The following TOP2A variants were observed in gnomAD, a reference collection of about 807,000 sequenced individuals.
TOP2A encodes the protein DNA topoisomerase II alpha.
TOP2A carries 68 observed loss-of-function variants against 187.2 expected under a neutral mutation model. That is an observed-to-expected ratio of 0.36 (90% CI 0.30 to 0.44). The LOEUF is 0.44. Ranked by LOEUF, TOP2A falls within the 20% of genes least tolerant of loss-of-function variation. The pLI, the probability that TOP2A is intolerant of heterozygous loss-of-function variation, is 1.00. For synonymous variants in TOP2A, 542 were observed against 593.2 expected (o/e 0.91, Z 1.25); for missense variants, 1,196 against 1,808.7 (o/e 0.66, Z 6.14).
rs1267482513 is a variant in TOP2A at position 40,404,291 on chromosome 17, A to G, written c.2162-18T>C. ...TTTCAAACCTTTAAAATGAAATAAGAGCAAACGTAAGTATCCTCAATTTAA... is the reference window on the plus strand; with the variant it reads ...TTTCAAACCTTTAAAATGAAATAAGGGCAAACGTAAGTATCCTCAATTTAA... On this transcript the variant is annotated intron_variant, in intron 18 of 34. Transcript: ENST00000423485. 8.7e-6 allele frequency: 14 copies of G among 1,611,828 alleles called. No individual in the cohort carries two copies. The highest frequency in any genetic ancestry group is 1.2e-5 in the Non-Finnish European group (14 of 1,179,138).
chr17:40,396,407 T>A lies in TOP2A; in HGVS notation c.3596A>T (p.Lys1199Met). ...CATTTGTGTTTTTTTCCCCTTGGCCTTCCCCCCTTTCCCAGGAAGTCCGAC... is the reference window on the plus strand; with the variant it reads ...CATTTGTGTTTTTTTCCCCTTGGCCATCCCCCCTTTCCCAGGAAGTCCGAC... ...EQVGLPGKGG[K>M]AKGKKTQMAE... Residue 1199 changes from lysine (K) to methionine (M), a missense_variant, in exon 28 of 35, where the codon AAG becomes ATG. This residue lies in a region of TOP2A where 374 missense variants were observed against 403.3 expected (regional missense o/e 0.93). Coordinates refer to ENST00000423485, the MANE Select transcript of TOP2A (RefSeq NM_001067.4). The A allele has an allele frequency of 6.2e-7, 1 of 1,613,984 alleles. No individual in the cohort carries two copies. Among genetic ancestry groups the A allele is most frequent in the African/African-American group, 1.3e-5 (1 of 75,052 alleles).
Position 40,398,856 on chromosome 17 carries a change from T to G in TOP2A, c.3370A>C (p.Thr1124Pro). The G allele has an allele frequency of 1.9e-6, 3 of 1,613,900 alleles. No individual in the cohort carries two copies. The East Asian group carries it at 6.7e-5, about 36-fold the overall frequency. Residue 1124 changes from threonine (T) to proline (P), a missense_variant, in exon 26 of 35, where the codon ACC (threonine) becomes CCC (proline). Coordinates refer to ENST00000423485, the MANE Select transcript of TOP2A (RefSeq NM_001067.4). ...GGCATATCAAGAAGATAGTTGAAGG[T>G]TGGTCCAGAATCTGTTACGGAGTCA... Reference protein sequence around the residue: ...KSDSVTDSGPTFNYLLDMPLW... With the variant: ...KSDSVTDSGPPFNYLLDMPLW...
chr17:40,412,332 T>C (rs952827534), intron 7 of TOP2A, among the ~76,000 whole-genome samples: 1 of 152,200 alleles, frequency 6.6e-6, no homozygotes, highest in African/African-American at 2.4e-5. Context: ...CAAGAACATA[T>C]GTGAGAAGTG....
intron 13 of TOP2A, 49 bp downstream of exon 13, chr17:40,407,500 A>G: frequency 7.1e-7 from 1 of 1,417,108 alleles, no homozygotes; most frequent in Non-Finnish European, 9.5e-7. Flanking sequence ...TTAAATTAAG[A>G]CATGCTTAAT....
At chr17:40,409,742 T>G (rs1355200138) in intron 10 of TOP2A, 1 of 186,082 alleles carries the variant, frequency 5.4e-6, no homozygotes, top group East Asian at 1.7e-4. Flanking sequence ...ATTACGTCAC[T>G]GCACTGTAGC....
At chr17:40,408,253 G>T in intron 11 of TOP2A, 129 bp from the exon 12 acceptor site, 1 of 809,954 alleles carries the variant, frequency 1.2e-6, no homozygotes, top group Non-Finnish European at 1.9e-6. Flanking sequence ...TTATTTGTTA[G>T]GTAATAGATC....
At chr17:40,395,664 G>T (rs2035087053) in intron 28 of TOP2A, 125 bp from the exon 29 acceptor site, 2 of 552,640 alleles carry the variant, frequency 3.6e-6, no homozygotes, top group South Asian at 4.1e-5. Context: ...GGGAGGCCGT[G>T]GTGGGCAGAT....
Position 40,412,770 on chromosome 17 carries a change from T to C in TOP2A, c.778A>G (p.Asn260Asp). ...TKDVKVFLNG[N>D]KLPVKGFRSY... ...AGGAAAATACTCACTGGCAGTTTATTTCCATTAAGAAAGACTTTGACATCT... is the reference window on the plus strand; with the variant it reads ...AGGAAAATACTCACTGGCAGTTTATCTCCATTAAGAAAGACTTTGACATCT... Residue 260 changes from asparagine (N) to aspartate (D), a missense_variant, in exon 7 of 35, where the codon AAT becomes GAT. Coordinates refer to ENST00000423485, the MANE Select transcript of TOP2A (RefSeq NM_001067.4). The C allele has an allele frequency of 6.2e-7, 1 of 1,613,562 alleles. No individual in the cohort carries two copies.
intron 24 of TOP2A, among the ~76,000 whole-genome samples, chr17:40,399,519 T>A (rs78463173): frequency 6.6e-6 from 1 of 151,920 alleles, no homozygotes; most frequent in Non-Finnish European, 1.5e-5. Flanking sequence ...TTTTTTTTTT[T>A]ACCATCAGAT....
At chr17:40,416,959 G>C in intron 1 of TOP2A, 64 bp from the exon 2 acceptor site, 1 of 1,371,336 alleles carries the variant, frequency 7.3e-7, no homozygotes, top group Non-Finnish European at 9.9e-7. Flanking sequence ...CCTAAACTAG[G>C]AACAAAATGC....
At chr17:40,405,420 T>C (rs2035228220) in intron 16 of TOP2A, among the ~76,000 whole-genome samples, 1 of 151,144 alleles carries the variant, frequency 6.6e-6, no homozygotes, top group African/African-American at 2.4e-5. Context: ...CAAAGTGCTA[T>C]GATTACTGGT....
chr17:40,391,657 A>G lies in TOP2A; in HGVS notation c.4133-17T>C, dbSNP rs201665400. ...CTTCAAGGTCTATTATTTCAAATGG[A>G]AAGGAAAATAGTACATTTAAGCAAC... On this transcript the variant is annotated splice_polypyrimidine_tract_variant and intron_variant, in intron 32 of 34. Transcript: ENST00000423485. 1,158 of 1,561,626 alleles carry G rather than the reference A, an allele frequency of 7.4e-4. 17 individuals are homozygous for G. In the South Asian group the frequency reaches 0.012, roughly 16 times the overall value.
At chr17:40,415,117 C>T (rs1359492548) in intron 4 of TOP2A, among the ~76,000 whole-genome samples, 1 of 149,754 alleles carries the variant, frequency 6.7e-6, no homozygotes, top group East Asian at 2.0e-4. Flanking sequence ...TGCAGTGGTG[C>T]AATCTCGGCT....
chr17:40,400,791 A>AG, intron 21 of TOP2A, 59 bp downstream of exon 21: 1 of 1,567,002 alleles, frequency 6.4e-7, no homozygotes, highest in Admixed American at 1.8e-5. Context: ...TAATCATACA[A>AG]TCTATTCAAC....
At position 40,411,410 on chromosome 17, in the gene TOP2A, G is replaced by T. The variant is rs756295402; in HGVS notation, c.1009C>A (p.Leu337Ile). The T allele has an allele frequency of 1.9e-6, 3 of 1,613,660 alleles. No individual in the cohort carries two copies. The highest frequency in any genetic ancestry group is 2.7e-5 in the African/African-American group (2 of 74,890). ...DYVADQIVTK[L>I]VDVVKKKNKG... ...TTCTTCTTCTTCACAACATCAACAAGTTTAGTCACAATCTGATCAGCTACA... is the reference window on the plus strand; with the variant it reads ...TTCTTCTTCTTCACAACATCAACAATTTTAGTCACAATCTGATCAGCTACA... The change falls in exon 9 of 35, where the codon CTT (leucine) becomes ATT (isoleucine). Residue 337 changes from leucine to isoleucine, a missense_variant. Transcript: ENST00000423485. The surrounding 1 kb of genome is among the most constrained non-coding windows in gnomAD (Gnocchi z 4.4).
In TOP2A at chr17:40,411,604, G is replaced by A. The variant is rs939071588; in HGVS notation, c.963+41C>T. On this transcript the variant is annotated intron_variant, in intron 8 of 34. Transcript: ENST00000423485. The surrounding 1 kb of genome is among the most constrained non-coding windows in gnomAD (Gnocchi z 4.4). ...TTAAAAACAATAAGAACACATATAT[G>A]TAAAGATAAATCATGATTAATAATT... The A allele has an allele frequency of 6.3e-7, 1 of 1,583,276 alleles. No individual in the cohort carries two copies. Among genetic ancestry groups the A allele is most frequent in the Non-Finnish European group, 8.6e-7 (1 of 1,158,686 alleles).
intron 29 of TOP2A, among the ~76,000 whole-genome samples, chr17:40,394,957 T>C (rs1313674027): frequency 6.6e-6 from 1 of 152,178 alleles, no homozygotes. Context: ...TTACAAAATA[T>C]TTTCTATAAT....
At chr17:40,395,281 C>CAAAA (rs755789593) in intron 29 of TOP2A, among the ~76,000 whole-genome samples, 168 bp downstream of exon 29, 34 of 54,804 alleles carry the variant, frequency 6.2e-4, no homozygotes, top group Non-Finnish European at 8.6e-4. Flanking sequence ...GAAACTGTCT[C>CAAAA]AAAAAAAAAA....
At chr17:40,404,915 G>A (rs1455101929) in intron 16 of TOP2A, 32 bp from the exon 17 acceptor site, 1 of 1,308,978 alleles carries the variant, frequency 7.6e-7, no homozygotes, top group African/African-American at 1.5e-5. Flanking sequence ...GATGTCACTG[G>A]TACTAATAGG....
Sources: gnomAD v4.1 joint callset for allele counts (sites outside exome capture counted in the v4.1 genomes callset) on GRCh38, gnomAD v4.1.1 for gene constraint, gnomAD v4.1.1 regional missense constraint, Gnocchi (gnomAD v3.1) non-coding constraint, MANE v1.5 for transcripts, NCBI Gene and HGNC (gene_info 2026-07-23, HGNC 2026-07-21) for gene names.